PRR5L: variants seen among roughly 807,000 people sequenced by gnomAD.
The protein encoded by PRR5L is proline rich 5 like.
Under a neutral mutation model 36.4 loss-of-function variants are expected in PRR5L, and 21 were observed. The ratio of observed to expected loss-of-function variants is 0.58; its 90% CI spans 0.41 to 0.83. The LOEUF (loss-of-function observed/expected upper bound fraction) is 0.83, where lower values mean the gene tolerates loss of function less well. PRR5L is among the 40% of genes least tolerant of loss of function. The pLI is 0.00. For synonymous variants in PRR5L, 188 were observed against 197.0 expected (o/e 0.95, Z 0.38); for missense variants, 381 against 473.3 (o/e 0.80, Z 1.81).
rs2554013 is a variant in PRR5L, at chr11:36,373,135, C to G, written c.-125-27862C>G. Among the ~76,000 whole-genome samples, 120 of 152,168 alleles carry G rather than the reference C, an allele frequency of 7.9e-4. 1 individual carries two copies. The highest frequency in any genetic ancestry group is 2.8e-3 in the African/African-American group (117 of 41,462). ...CCCTTAGTCTTAAAGGGGGCTGCCTCAGGGATAGCTACTCTTTCAACAGGA... is the reference window on the plus strand; with the variant it reads ...CCCTTAGTCTTAAAGGGGGCTGCCTGAGGGATAGCTACTCTTTCAACAGGA... On this transcript the variant is annotated intron_variant, in intron 1 of 8. Transcript: ENST00000530639.
At chr11:36,351,429 ATT>A (rs1467039708) in intron 1 of PRR5L, among the ~76,000 whole-genome samples, 6 of 63,950 alleles carry the variant, frequency 9.4e-5, no homozygotes, top group African/African-American at 2.4e-4. Flanking sequence ...ATATTTATAT[ATT>A]TATATATACA....
intron 1 of PRR5L, among the ~76,000 whole-genome samples, chr11:36,356,722 C>T (rs1023493711): frequency 8.5e-5 from 13 of 152,172 alleles, no homozygotes; most frequent in South Asian, 2.1e-4. Flanking sequence ...ACACTGTACC[C>T]GATAAGATGG....
chr11:36,363,175 G>A (rs1857110717), intron 1 of PRR5L, among the ~76,000 whole-genome samples: 1 of 152,142 alleles, frequency 6.6e-6, no homozygotes, highest in Non-Finnish European at 1.5e-5. Flanking sequence ...CCGGGAATGA[G>A]GCTGTGGTCA....
intron 1 of PRR5L, among the ~76,000 whole-genome samples, chr11:36,389,378 T>C (rs1857520049): frequency 6.6e-6 from 1 of 152,228 alleles, no homozygotes; most frequent in African/African-American, 2.4e-5. Context: ...ATATTAATAC[T>C]AACTATAGCT....
chr11:36,344,416 T>C lies in PRR5L; in HGVS notation c.-126+47978T>C, dbSNP rs1856845580. Among the ~76,000 whole-genome samples, 1 of 152,252 alleles carries C rather than the reference T, an allele frequency of 6.6e-6. No individual in the cohort carries two copies. Among genetic ancestry groups the C allele is most frequent in the South Asian group, 2.1e-4 (1 of 4,834 alleles). On this transcript the variant is annotated intron_variant, in intron 1 of 8. Coordinates refer to ENST00000530639, the MANE Select transcript of PRR5L (RefSeq NM_001160167.2). This position sits in a 1 kb window ranked among gnomAD's most constrained non-coding sequence, Gnocchi z 4.1. ...TTCCTTAACATGTTATAAATATTTC[T>C]TGATATTATTAAAAGTTATTGACAT...
Position 36,451,224 on chromosome 11 carries a change from AC to A in PRR5L, c.602del (p.Thr201LysfsTer14). ...LLILQSVHEP[T>X]GPSESYLQLE... ...CATTTTCCAGAGTGTTCACGAGCCC[AC>A]AGGCCCAAGTGAGAGTTATTTGCAA... is the stretch of plus-strand genomic sequence containing the variant. On this transcript the variant is annotated frameshift_variant, in exon 8 of 9. Transcript: ENST00000530639. LOFTEE classifies it high-confidence loss of function. The A allele has an allele frequency of 3.1e-6, 5 of 1,614,188 alleles. No homozygotes were observed. Among genetic ancestry groups the A allele is most frequent in the Non-Finnish European group, 4.2e-6 (5 of 1,180,032 alleles).
intron 8 of PRR5L, among the ~76,000 whole-genome samples, chr11:36,452,833 G>T (rs1298274172): frequency 8.5e-5 from 13 of 152,336 alleles, no homozygotes; most frequent in Non-Finnish European, 1.9e-4. Context: ...AGTTGGAACA[G>T]AACCCTGTAA....
intron 5 of PRR5L, among the ~76,000 whole-genome samples, chr11:36,433,704 C>G (rs1365389660): frequency 6.6e-6 from 1 of 152,124 alleles, no homozygotes; most frequent in East Asian, 1.9e-4. Flanking sequence ...CACGTGCCAC[C>G]ACGCCCAGCT....
At chr11:36,403,468 T>G (rs1321483748) in intron 3 of PRR5L, 90 bp downstream of exon 3, 15 of 934,642 alleles carry the variant, frequency 1.6e-5, no homozygotes, top group South Asian at 3.0e-5. Context: ...TAAGGGTTTT[T>G]TTTTTTTTTT....
chr11:36,398,262 AT>A (rs1242012713), intron 1 of PRR5L: 10 of 152,340 alleles, frequency 6.6e-5, no homozygotes, highest in Non-Finnish European at 1.2e-4. Context: ...CTTCTTTGCT[AT>A]ACCTTTGTCA....
intron 3 of PRR5L, among the ~76,000 whole-genome samples, chr11:36,416,380 G>T (rs1452316430): frequency 6.6e-6 from 1 of 152,154 alleles, no homozygotes; most frequent in Non-Finnish European, 1.5e-5. Context: ...AGAAGGTTTT[G>T]CATTCTGGAT....
intron 1 of PRR5L, among the ~76,000 whole-genome samples, chr11:36,373,888 A>C (rs1857222611): frequency 6.6e-6 from 1 of 152,090 alleles, no homozygotes; most frequent in African/African-American, 2.4e-5. Context: ...TTTCTATGTC[A>C]TTTGCTGAGT....
At chr11:36,417,481 C>A (rs1255600171) in intron 3 of PRR5L, among the ~76,000 whole-genome samples, 1 of 152,110 alleles carries the variant, frequency 6.6e-6, no homozygotes, top group Non-Finnish European at 1.5e-5. Context: ...TGAAGGCTTC[C>A]CTCTCGGATC....
intron 1 of PRR5L, among the ~76,000 whole-genome samples, chr11:36,356,301 A>G (rs1857027264): frequency 6.6e-6 from 1 of 152,146 alleles, no homozygotes; most frequent in Non-Finnish European, 1.5e-5. Flanking sequence ...CATCAAGGAT[A>G]ATTGTGACCA....
chr11:36,335,020 A>G (rs575709993), intron 1 of PRR5L, among the ~76,000 whole-genome samples: 2 of 152,300 alleles, frequency 1.3e-5, no homozygotes, highest in East Asian at 1.9e-4. Context: ...ATAGTATTTC[A>G]TCTTATCATT....
chr11:36,417,667 C>T (rs1188671149), intron 3 of PRR5L, among the ~76,000 whole-genome samples: 2 of 152,172 alleles, frequency 1.3e-5, no homozygotes, highest in Non-Finnish European at 2.9e-5. Context: ...AGGGCTTTTT[C>T]TGCTACAGTA....
intron 7 of PRR5L, among the ~76,000 whole-genome samples, chr11:36,448,131 C>T (rs759084778): frequency 9.2e-5 from 14 of 152,098 alleles, no homozygotes; most frequent in African/African-American, 1.9e-4. Flanking sequence ...ACAGGAGGGC[C>T]TGTGTCTATC....
At chr11:36,462,312 T>A in intron 8 of PRR5L, 30 bp from the exon 9 acceptor site, 2 of 1,489,264 alleles carry the variant, frequency 1.3e-6, no homozygotes, top group African/African-American at 1.4e-5. Flanking sequence ...CCCTCCCCAA[T>A]AACAGTCTTT....
Position 36,465,200 on chromosome 11 carries a change from T to C in PRR5L, c.*2464T>C, listed in dbSNP as rs888516696. ...GATTCAATAAACAACATTTTGTCCATGTTACCCTATTCTCATGCTGGGTGC... is the reference window on the plus strand; with the variant it reads ...GATTCAATAAACAACATTTTGTCCACGTTACCCTATTCTCATGCTGGGTGC... On this transcript the variant is annotated 3_prime_UTR_variant, in exon 9 of 9. Coordinates refer to ENST00000530639, the MANE Select transcript of PRR5L (RefSeq NM_001160167.2). 4 of 152,200 alleles carry C rather than the reference T, an allele frequency of 2.6e-5. No individual in the cohort carries two copies. Among genetic ancestry groups the C allele is most frequent in the Non-Finnish European group, 4.4e-5 (3 of 68,032 alleles). The allele number at this position is 152,200 out of a possible 1,614,324, so 9.4% of individuals were successfully genotyped here.
Sources: allele counts gnomAD v4.1 joint callset (sites outside exome capture counted in the v4.1 genomes callset), GRCh38; gene constraint gnomAD v4.1.1; non-coding constraint Gnocchi (gnomAD v3.1); transcripts MANE v1.5; gene names NCBI Gene and HGNC (gene_info 2026-07-23, HGNC 2026-07-21).